The following RORA variants were observed in gnomAD, a reference collection of about 807,000 sequenced individuals.
RORA encodes the protein RAR related orphan receptor A.
A neutral mutation model predicts 69.5 loss-of-function variants in RORA; 7 were observed. The observed-to-expected ratio is 0.10, with a 90% CI of 0.06 to 0.19. The LOEUF is 0.19. RORA is among the 10% of genes least tolerant of loss of function. The probability of loss-of-function intolerance (pLI) is 1.00; values close to 1 mark genes in which losing one functional copy is unlikely to be tolerated. For synonymous variants in RORA, 261 were observed against 240.8 expected (o/e 1.08, Z -0.78); for missense variants, 457 against 663.0 (o/e 0.69, Z 3.41).
chr15:60,522,770 TAAA>T (rs34289911), intron 3 of RORA, among the ~76,000 whole-genome samples: 40 of 124,110 alleles, frequency 3.2e-4, no homozygotes, highest in Admixed American at 4.1e-4. Flanking sequence ...CCCTGTGTCT[TAAA>T]AAAAAAAAAA....
intron 1 of RORA, among the ~76,000 whole-genome samples, chr15:61,134,351 G>A (rs532885298): frequency 2.0e-4 from 30 of 152,298 alleles, no homozygotes; most frequent in African/African-American, 7.0e-4. Flanking sequence ...AAGAGCATGG[G>A]CTCTGCAGAC....
intron 2 of RORA, among the ~76,000 whole-genome samples, chr15:60,657,529 C>G (rs1406937074): frequency 6.6e-6 from 1 of 152,200 alleles, no homozygotes; most frequent in South Asian, 2.1e-4. Context: ...AAGGAATGAA[C>G]TTCCCTGTGT....
At chr15:61,099,956 CT>C (rs1430054780) in intron 1 of RORA, among the ~76,000 whole-genome samples, 1 of 152,062 alleles carries the variant, frequency 6.6e-6, no homozygotes, top group Non-Finnish European at 1.5e-5. Context: ...CTGCTATTAC[CT>C]TTTGTCAAAC....
chr15:60,953,985 A>G (rs913852984), intron 1 of RORA, among the ~76,000 whole-genome samples: 126 of 152,046 alleles, frequency 8.3e-4, no homozygotes, highest in Non-Finnish European at 1.6e-3. Context: ...ATAAAGACAC[A>G]TGCACACGTC....
At chr15:60,962,495 C>T (rs1001420466) in intron 1 of RORA, among the ~76,000 whole-genome samples, 1 of 152,232 alleles carries the variant, frequency 6.6e-6, no homozygotes, top group Admixed American at 6.5e-5. Flanking sequence ...AAGGAATGCA[C>T]AGACCAAAGA....
intron 2 of RORA, among the ~76,000 whole-genome samples, chr15:60,578,768 T>C (rs2068101719): frequency 6.6e-6 from 1 of 150,840 alleles, no homozygotes; most frequent in African/African-American, 2.4e-5. Context: ...AATGAAACTT[T>C]TTTTTTTTTT....
At chr15:61,021,227 G>A (rs1895505989) in intron 1 of RORA, among the ~76,000 whole-genome samples, 1 of 152,204 alleles carries the variant, frequency 6.6e-6, no homozygotes, top group African/African-American at 2.4e-5. Context: ...ATGGCTACAG[G>A]GGAGGCTGGA....
At chr15:60,497,685 CTGAA>C in intron 10 of RORA, 66 bp from the exon 11 acceptor site, 2 of 1,268,668 alleles carry the variant, frequency 1.6e-6, no homozygotes, top group Non-Finnish European at 2.3e-6. Flanking sequence ...ATCAGGGAAC[CTGAA>C]TGATCTTTAT....
chr15:60,616,096 T>C (rs2069234285), intron 2 of RORA, among the ~76,000 whole-genome samples: 2 of 152,224 alleles, frequency 1.3e-5, no homozygotes, highest in South Asian at 4.1e-4. Context: ...TGTCCACATA[T>C]ATACACTCAC....
intron 2 of RORA, among the ~76,000 whole-genome samples, chr15:60,642,006 C>T (rs190387585): frequency 2.0e-5 from 3 of 152,306 alleles, no homozygotes; most frequent in African/African-American, 7.2e-5. Context: ...GCTTAGCATG[C>T]CCTTTCTTCA....
At chr15:61,115,813 C>T (rs1450786356) in intron 1 of RORA, among the ~76,000 whole-genome samples, 1 of 152,062 alleles carries the variant, frequency 6.6e-6, no homozygotes, top group African/African-American at 2.4e-5. Flanking sequence ...CCCAAAGGGC[C>T]CAAAAGCCAT....
At chr15:60,841,475 CCT>C (rs1379394474) in intron 1 of RORA, among the ~76,000 whole-genome samples, 1 of 151,906 alleles carries the variant, frequency 6.6e-6, no homozygotes, top group Admixed American at 6.6e-5. Context: ...TTTCTCTCTC[CCT>C]CTCTCTCTCT....
intron 2 of RORA, among the ~76,000 whole-genome samples, chr15:60,638,386 CTTT>C (rs375782514): frequency 4.2e-5 from 5 of 117,904 alleles, no homozygotes; most frequent in Non-Finnish European, 5.5e-5. Context: ...ATTTTCTTTT[CTTT>C]TTTTTTTTTT....
intron 1 of RORA, among the ~76,000 whole-genome samples, chr15:60,818,488 A>G (rs2072847076): frequency 6.6e-6 from 1 of 152,190 alleles, no homozygotes; most frequent in African/African-American, 2.4e-5. Context: ...GTCACACAGC[A>G]AAGTGGCAAA....
chr15:60,731,687 C>A (rs1567172029), intron 1 of RORA, among the ~76,000 whole-genome samples: 1 of 152,338 alleles, frequency 6.6e-6, no homozygotes, highest in South Asian at 2.1e-4. Flanking sequence ...TCCTTGTTTA[C>A]AGCAGACATC....
At chr15:60,516,219 ATAT>A (rs2065943882) in intron 3 of RORA, among the ~76,000 whole-genome samples, 3 of 12,370 alleles carry the variant, frequency 2.4e-4, no homozygotes, top group African/African-American at 8.0e-4. Context: ...TTATATATAT[ATAT>A]TTATATATAT....
At chr15:60,782,866 T>C (rs2072282967) in intron 1 of RORA, among the ~76,000 whole-genome samples, 1 of 152,250 alleles carries the variant, frequency 6.6e-6, no homozygotes, top group African/African-American at 2.4e-5. Context: ...TAGACTCAAA[T>C]GCTATAGGCA....
At chr15:60,936,940 A>G (rs967298132) in intron 1 of RORA, among the ~76,000 whole-genome samples, 2 of 152,190 alleles carry the variant, frequency 1.3e-5, no homozygotes, top group African/African-American at 4.8e-5. Context: ...TAAGAGGAGT[A>G]TTACATCTTA....
At chr15:60,500,083 C>T (rs865888951) in intron 9 of RORA, 79 bp from the exon 10 acceptor site, 96 of 835,350 alleles carry the variant, frequency 1.1e-4, no homozygotes, top group Non-Finnish European at 1.5e-4. Flanking sequence ...TCTTTTGATA[C>T]GGATAATTAT....
Sources: gnomAD v4.1 joint callset for allele counts (sites outside exome capture counted in the v4.1 genomes callset) on GRCh38, gnomAD v4.1.1 for gene constraint, MANE v1.5 for transcripts, NCBI Gene and HGNC (gene_info 2026-07-23, HGNC 2026-07-21) for gene names.